Variants in ZNF365 observed in about 807,000 individuals in gnomAD.
ZNF365 encodes protein ZNF365.
In ZNF365, 22 loss-of-function variants were observed where a neutral mutation model predicts 35.0. The ratio of observed to expected loss-of-function variants is 0.63; its 90% confidence interval spans 0.45 to 0.90. The LOEUF (loss-of-function observed/expected upper bound fraction) is 0.90. Ranked by LOEUF, ZNF365 falls within the 40% of genes least tolerant of loss-of-function variation. The pLI is 0.00. For synonymous variants in ZNF365, 188 were observed against 196.2 expected, an observed-to-expected ratio of 0.96 and a Z score of 0.35; for missense variants, 448 against 500.3, an observed-to-expected ratio of 0.90 and a Z score of 1.00.
chr10:62,397,441 T>G (rs1379653490), intron 3 of ZNF365, among the ~76,000 whole-genome samples: 1 of 152,232 alleles, frequency 6.6e-6, no homozygotes, highest in African/African-American at 2.4e-5. Flanking sequence ...CATATTTTAT[T>G]TGTCGTTTCT....
chr10:62,391,338 G>C (rs1247726860), intron 3 of ZNF365, among the ~76,000 whole-genome samples: 3 of 152,096 alleles, frequency 2.0e-5, no homozygotes, highest in African/African-American at 4.8e-5. Flanking sequence ...CACCCAAGCA[G>C]TGTACACTGT....
Position 62,401,724 on chromosome 10 carries a change from C to G in ZNF365, c.*1935C>G. On this transcript the variant is annotated 3_prime_UTR_variant, in exon 5 of 5. Coordinates refer to ENST00000395254, the MANE Select transcript of ZNF365 (RefSeq NM_014951.3). ...TTAGTTGTATTGCATGCTCTTTGTCCTGTAATGTGTGTGCAATGACAACTT... is the reference window on the plus strand; with the variant it reads ...TTAGTTGTATTGCATGCTCTTTGTCGTGTAATGTGTGTGCAATGACAACTT... The G allele has an allele frequency of 1.0e-6, 1 of 985,474 alleles. No homozygotes were observed. The highest frequency in any genetic ancestry group is 1.2e-6 in the Non-Finnish European group (1 of 829,922). The allele number at this position is 985,474 out of a possible 1,614,324, so 61.0% of individuals were successfully genotyped here.
At chr10:62,389,198 C>T (rs1277694065) in intron 3 of ZNF365, among the ~76,000 whole-genome samples, 1 of 141,974 alleles carries the variant, frequency 7.0e-6, no homozygotes, top group Non-Finnish European at 1.5e-5. Flanking sequence ...TCCAGGTTCT[C>T]ATAGGGGGCT....
At chr10:62,393,333 G>A (rs7070211) in intron 3 of ZNF365, among the ~76,000 whole-genome samples, 139,800 of 152,278 alleles carry the variant, frequency 0.92, 65,362 homozygotes, top group East Asian at 1. Context: ...GTCATTATCA[G>A]GTATTATGCT....
chr10:62,479,660 G>A (rs192716889), intron 4 of ZNF365, among the ~76,000 whole-genome samples: 12 of 152,284 alleles, frequency 7.9e-5, no homozygotes, highest in Admixed American at 7.8e-4. Context: ...CTCAGCACAT[G>A]ATCTCAATTA....
At chr10:62,399,412 A>C in intron 4 of ZNF365, 116 bp from the exon 5 acceptor site, 1 of 1,439,576 alleles carries the variant, frequency 6.9e-7, no homozygotes, top group South Asian at 1.4e-5. Context: ...TGGTAGCATT[A>C]TCACCACTGT....
chr10:62,401,609 G>A lies in ZNF365; in HGVS notation c.*1820G>A. The A allele has an allele frequency of 1.0e-6, 1 of 983,976 alleles. No homozygotes were observed. The highest frequency in any genetic ancestry group is 1.2e-6 in the Non-Finnish European group (1 of 828,592). 61.0% of individuals were successfully genotyped at this position (983,976 alleles called of 1,614,324 possible). A position where few individuals can be genotyped will look rare whatever the true frequency, so the allele number is the denominator to read the frequency against. On this transcript the variant is annotated 3_prime_UTR_variant, in exon 5 of 5. Coordinates refer to ENST00000395254, the MANE Select transcript of ZNF365 (RefSeq NM_014951.3). ...TAATGTTATAATTATTATTTATTTGGAGAATTAACTTCCCCCTCTAAAGTT... is the reference window on the plus strand; with the variant it reads ...TAATGTTATAATTATTATTTATTTGAAGAATTAACTTCCCCCTCTAAAGTT...
chr10:62,413,705 T>C (rs1484869289), intron 3 of ZNF365, among the ~76,000 whole-genome samples: 3 of 151,744 alleles, frequency 2.0e-5, no homozygotes, highest in African/African-American at 7.3e-5. Context: ...CCTAGATCTA[T>C]TGAATTGGAA....
intron 4 of ZNF365, among the ~76,000 whole-genome samples, chr10:62,460,699 A>G (rs1321280024): frequency 3.9e-5 from 6 of 152,208 alleles, no homozygotes; most frequent in East Asian, 1.9e-4. Flanking sequence ...ATAGAGGTTA[A>G]TTCTGATGTG....
intron 3 of ZNF365, among the ~76,000 whole-genome samples, chr10:62,423,231 G>T: frequency 6.6e-6 from 1 of 151,076 alleles, no homozygotes. Flanking sequence ...AAAAACTCCA[G>T]GAGTTCTAAA....
intron 3 of ZNF365, among the ~76,000 whole-genome samples, chr10:62,419,346 A>G (rs987252118): frequency 2.6e-5 from 4 of 152,126 alleles, no homozygotes; most frequent in Admixed American, 6.6e-5. Context: ...ATATTTATCA[A>G]TCTAAAAGGA....
chr10:62,394,533 A>G (rs919283124), intron 3 of ZNF365, among the ~76,000 whole-genome samples: 3 of 152,200 alleles, frequency 2.0e-5, no homozygotes, highest in Non-Finnish European at 4.4e-5. Context: ...TGTGTGAGTG[A>G]TTTTGACAGA....
chr10:62,431,561 T>C, intron 3 of ZNF365, among the ~76,000 whole-genome samples: 1 of 152,214 alleles, frequency 6.6e-6, no homozygotes, highest in East Asian at 1.9e-4. Flanking sequence ...CTCCTACTGA[T>C]GGGTCTACCC....
At chr10:62,410,993 A>C (rs149320477) in intron 3 of ZNF365, among the ~76,000 whole-genome samples, 15 of 152,270 alleles carry the variant, frequency 9.9e-5, no homozygotes, top group African/African-American at 3.1e-4. Flanking sequence ...ACAGTGTATC[A>C]TTGTGGTTTT....
chr10:62,380,350 A>G lies in ZNF365; in HGVS notation c.743+3414A>G, dbSNP rs537935965. 5.3e-5 allele frequency among the ~76,000 whole-genome samples: 8 copies of G among 152,284 alleles called. No homozygotes were observed. The East Asian group carries it at 1.5e-3, about 29-fold the overall frequency. On this transcript the variant is annotated intron_variant, in intron 2 of 4. Transcript: ENST00000395254. ...TTTCCATTTAATGAGAAGTAAATAT[A>G]TTTTCCTTATGATTATCTTAATAAC...
intron 2 of ZNF365, among the ~76,000 whole-genome samples, chr10:62,382,705 A>G (rs1839460637): frequency 6.6e-6 from 1 of 152,120 alleles, no homozygotes; most frequent in South Asian, 2.1e-4. Context: ...GTGGTGCCGG[A>G]AAGAGAGCGC....
At chr10:62,407,186 A>G (rs1343842614), downstream of ZNF365, among the ~76,000 whole-genome samples, 1 of 152,194 alleles carries the variant, frequency 6.6e-6, no homozygotes, top group Admixed American at 6.5e-5. Flanking sequence ...AGAAACAAAA[A>G]TAAACCAAGC....
intron 4 of ZNF365, among the ~76,000 whole-genome samples, chr10:62,465,513 G>A (rs1337153968): frequency 6.6e-6 from 1 of 152,184 alleles, no homozygotes; most frequent in Non-Finnish European, 1.5e-5. Context: ...ATGACCCAGA[G>A]TGAGAACTCA....
intron 3 of ZNF365, among the ~76,000 whole-genome samples, chr10:62,390,497 G>A (rs995520354): frequency 6.6e-6 from 1 of 152,132 alleles, no homozygotes; most frequent in African/African-American, 2.4e-5. Flanking sequence ...TGGCTTGAAA[G>A]TTGAACATTT....
Sources: gnomAD v4.1 joint callset for allele counts (sites outside exome capture counted in the v4.1 genomes callset) on GRCh38, gnomAD v4.1.1 for gene constraint, MANE v1.5 for transcripts, NCBI Gene and HGNC (gene_info 2026-07-23, HGNC 2026-07-21) for gene names.